The following APBA1 variants were observed in gnomAD, a reference collection of about 807,000 sequenced individuals.
APBA1 encodes the protein amyloid beta precursor protein binding family A member 1.
Under a neutral mutation model 86.6 loss-of-function variants are expected in APBA1, and 55 were observed. The ratio of observed to expected loss-of-function variants is 0.64; its 90% CI spans 0.51 to 0.80. The LOEUF is 0.80. APBA1 is among the 30% of genes least tolerant of loss of function. The pLI is 0.00. For missense variants in APBA1, 1,090 were observed against 1,183.0 expected (o/e 0.92, Z 1.15); for synonymous variants, 511 against 493.9 (o/e 1.03, Z -0.46).
chr9:69,652,856 G>A (rs913202079), intron 1 of APBA1, among the ~76,000 whole-genome samples: 8 of 152,058 alleles, frequency 5.3e-5, no homozygotes, highest in Non-Finnish European at 1.0e-4. Context: ...TTAGCTGGGT[G>A]TGGTGGTATG....
At chr9:69,437,293 A>G (rs1834745129) in intron 11 of APBA1, among the ~76,000 whole-genome samples, 1 of 151,526 alleles carries the variant, frequency 6.6e-6, no homozygotes, top group Non-Finnish European at 1.5e-5. Flanking sequence ...TGGCCTCATA[A>G]AATGAGTTAG....
At chr9:69,660,378 C>G (rs1341498770) in intron 1 of APBA1, among the ~76,000 whole-genome samples, 2 of 152,142 alleles carry the variant, frequency 1.3e-5, no homozygotes, top group Non-Finnish European at 2.9e-5. Flanking sequence ...CTGCTGGCAG[C>G]TGAGGCATGA....
chr9:69,470,518 C>T (rs757809635), intron 4 of APBA1, among the ~76,000 whole-genome samples: 4 of 152,164 alleles, frequency 2.6e-5, no homozygotes, highest in African/African-American at 4.8e-5. Context: ...CAGGGCCTCA[C>T]AAAAATGATG....
intron 1 of APBA1, among the ~76,000 whole-genome samples, chr9:69,586,200 C>T (rs948947320): frequency 2.6e-5 from 4 of 152,182 alleles, no homozygotes; most frequent in Admixed American, 1.3e-4. Context: ...TTGGCCTTTA[C>T]AGCAACTAAC....
At chr9:69,473,448 T>C (rs560526217) in intron 3 of APBA1, among the ~76,000 whole-genome samples, 79 of 152,354 alleles carry the variant, frequency 5.2e-4, no homozygotes, top group African/African-American at 1.9e-3. Context: ...GTTTGTTTAA[T>C]CAGAATTGCT....
chr9:69,511,771 T>C (rs1836046950), intron 2 of APBA1, among the ~76,000 whole-genome samples: 1 of 151,866 alleles, frequency 6.6e-6, no homozygotes, highest in African/African-American at 2.4e-5. Context: ...ATGTCCTTTG[T>C]AGGGACATGG....
At chr9:69,604,333 C>T (rs569134388) in intron 1 of APBA1, among the ~76,000 whole-genome samples, 1 of 133,462 alleles carries the variant, frequency 7.5e-6, no homozygotes, top group Non-Finnish European at 1.6e-5. Flanking sequence ...CACACATGCA[C>T]ACACATGAGG....
intron 1 of APBA1, among the ~76,000 whole-genome samples, chr9:69,662,886 T>G (rs923652741): frequency 6.6e-6 from 1 of 152,180 alleles, no homozygotes; most frequent in Non-Finnish European, 1.5e-5. Flanking sequence ...CCACTTTCCC[T>G]TTTCCACACT....
intron 5 of APBA1, chr9:69,460,534 T>A (rs1022094901): frequency 2.0e-5 from 3 of 152,176 alleles, no homozygotes; most frequent in African/African-American, 7.2e-5. Context: ...TATAGGAATT[T>A]CCATTACTTT....
intron 8 of APBA1, among the ~76,000 whole-genome samples, chr9:69,452,536 A>T (rs567291506): frequency 6.6e-6 from 1 of 152,358 alleles, no homozygotes; most frequent in Admixed American, 6.5e-5. Context: ...ACCGGCATTC[A>T]GCAGACAGGA....
intron 1 of APBA1, among the ~76,000 whole-genome samples, chr9:69,660,159 A>C (rs2134025388): frequency 6.6e-6 from 1 of 152,382 alleles, no homozygotes; most frequent in South Asian, 2.1e-4. Flanking sequence ...ATATGTTATA[A>C]TAATTCCACT....
At chr9:69,632,209 A>G (rs951359315) in intron 1 of APBA1, among the ~76,000 whole-genome samples, 2 of 152,144 alleles carry the variant, frequency 1.3e-5, no homozygotes, top group Non-Finnish European at 2.9e-5. Flanking sequence ...CCCACAAACA[A>G]ATTAACTTTC....
Position 69,441,045 on chromosome 9 carries a change from C to G in APBA1, c.2252G>C (p.Arg751Thr). 6.2e-7 allele frequency: 1 copy of G among 1,614,124 alleles called. No individual in the cohort carries two copies. The highest frequency in any genetic ancestry group is 2.2e-5 in the East Asian group (1 of 44,876). ...GAGCTGGTAGCGAAGGTCTGGTCTT[C>G]TGATTAACACGGTGGTCACCGGAGG... ...RCPPVTTVLI[R>T]RPDLRYQLGF... is the part of the protein sequence containing the mutation. The change falls in exon 11 of 13, where the codon AGA becomes ACA. Residue 751 changes from arginine to threonine, a missense_variant. Transcript: ENST00000265381.
intron 1 of APBA1, among the ~76,000 whole-genome samples, chr9:69,538,897 G>A (rs1418957131): frequency 6.6e-6 from 1 of 152,158 alleles, no homozygotes; most frequent in African/African-American, 2.4e-5. Flanking sequence ...CACTGAATCA[G>A]CTTTTGTCTG....
intron 11 of APBA1, among the ~76,000 whole-genome samples, chr9:69,434,996 C>G (rs1214237909): frequency 3.0e-4 from 41 of 134,598 alleles, no homozygotes; most frequent in African/African-American, 1.1e-3. Flanking sequence ...CTTCCTGTGT[C>G]CATGTGTTCT....
intron 1 of APBA1, among the ~76,000 whole-genome samples, chr9:69,624,658 T>C (rs1290381581): frequency 1.3e-5 from 2 of 152,156 alleles, no homozygotes; most frequent in Non-Finnish European, 2.9e-5. Context: ...GGCAATCCAT[T>C]GAAGTCAAGT....
At chr9:69,557,023 A>G (rs1836871891) in intron 1 of APBA1, among the ~76,000 whole-genome samples, 1 of 152,192 alleles carries the variant, frequency 6.6e-6, no homozygotes, top group Non-Finnish European at 1.5e-5. Flanking sequence ...ACAAAATGAG[A>G]GGCTGGCATG....
chr9:69,493,650 C>A (rs1835749641), intron 2 of APBA1, among the ~76,000 whole-genome samples: 1 of 152,108 alleles, frequency 6.6e-6, no homozygotes, highest in Non-Finnish European at 1.5e-5. Context: ...CGTTTCCTCT[C>A]CAAGTGCCTC....
intron 1 of APBA1, among the ~76,000 whole-genome samples, chr9:69,531,453 A>C (rs923332131): frequency 6.6e-6 from 1 of 152,146 alleles, no homozygotes; most frequent in Non-Finnish European, 1.5e-5. Context: ...GCCTGGCTCC[A>C]TTATTCTTCC....
Sources: allele counts gnomAD v4.1 joint callset (sites outside exome capture counted in the v4.1 genomes callset), GRCh38; gene constraint gnomAD v4.1.1; transcripts MANE v1.5; gene names NCBI Gene and HGNC (gene_info 2026-07-23, HGNC 2026-07-21).